HIF1A: variants seen among roughly 807,000 people sequenced by gnomAD.
HIF1A encodes the protein hypoxia-inducible factor 1-alpha.
HIF1A carries 24 observed loss-of-function variants against 92.7 expected under a neutral mutation model. The ratio of observed to expected loss-of-function variants is 0.26; its 90% CI spans 0.19 to 0.36. The LOEUF is 0.36. Ranked by LOEUF, HIF1A falls within the 10% of genes least tolerant of loss-of-function variation. HIF1A has a pLI of 1.00. For synonymous variants in HIF1A, 319 were observed against 338.7 expected (o/e 0.94, Z 0.64); for missense variants, 799 against 998.5 (o/e 0.80, Z 2.69).
At position 61,734,261 on chromosome 14, in the gene HIF1A, T is replaced by C. The variant is rs1482829440; in HGVS notation, c.1004T>C (p.Ile335Thr). 11 of 1,611,656 alleles carry C rather than the reference T, an allele frequency of 6.8e-6. No individual in the cohort carries two copies. The highest frequency in any genetic ancestry group is 1.1e-5 in the South Asian group (1 of 90,476). ...YNTKNSQPQCIVCVNYVVSGI... is the reference protein window; with the variant it reads ...YNTKNSQPQCTVCVNYVVSGI... Reference sequence around the variant, plus strand: ...ACCAAGAATTCTCAACCACAGTGCATTGTATGTGTGAATTACGTTGTGAGG... The same window carrying C: ...ACCAAGAATTCTCAACCACAGTGCACTGTATGTGTGAATTACGTTGTGAGG... The change falls in exon 8 of 15, where the codon ATT becomes ACT. Residue 335 changes from isoleucine (I) to threonine (T), a missense_variant. Ile to Thr is a moderately conservative substitution (Grantham distance 89, BLOSUM62 -1). This residue lies in a region of HIF1A where 516 missense variants were observed against 721.0 expected (regional missense o/e 0.72). Coordinates refer to ENST00000337138, the MANE Select transcript of HIF1A (RefSeq NM_001530.4).
intron 14 of HIF1A, 21 bp downstream of exon 14, chr14:61,745,838 C>G (rs764585918): frequency 6.3e-7 from 1 of 1,578,478 alleles, no homozygotes; most frequent in South Asian, 1.1e-5. Context: ...TCTTTTTGAC[C>G]TTGAACATCA....
Position 61,740,829 on chromosome 14 carries a change from T to A in HIF1A, c.1734T>A (p.Asp578Glu), listed in dbSNP as rs1265577831. Residue 578 changes from aspartate (D) to glutamate (E), a missense_variant, in exon 12 of 15, where the codon GAT (aspartate) becomes GAA (glutamate). Physicochemically the swap from Asp to Glu is conservative, Grantham distance 45 (BLOSUM62 2). Around this residue, in one of 2 missense-constraint regions of HIF1A, gnomAD observed 516 missense variants for 721.0 expected, o/e 0.72. Coordinates refer to ENST00000337138, the MANE Select transcript of HIF1A (RefSeq NM_001530.4). Reference protein sequence around the residue: ...MDDDFQLRSFDQLSPLESSSA... With the variant: ...MDDDFQLRSFEQLSPLESSSA... ...ATGACTTCCAGTTACGTTCCTTCGA[T>A]CAGTTGTCACCATTAGAAAGCAGTT... 1 of 1,614,088 alleles carries A rather than the reference T, an allele frequency of 6.2e-7. No individual in the cohort carries two copies. The highest frequency in any genetic ancestry group is 8.5e-7 in the Non-Finnish European group (1 of 1,179,980).
In HIF1A at chr14:61,720,379, T is replaced by C; in HGVS notation, c.36-3T>C. 5 of 1,598,474 alleles carry C rather than the reference T, an allele frequency of 3.1e-6. No homozygotes were observed. The highest frequency in any genetic ancestry group is 3.4e-6 in the Non-Finnish European group (4 of 1,173,354). On this transcript the variant is annotated splice_polypyrimidine_tract_variant and splice_region_variant and intron_variant, in intron 1 of 14. Coordinates refer to ENST00000337138, the MANE Select transcript of HIF1A (RefSeq NM_001530.4). ...TCGTGTTTTTCTTGTTGTTGTTAAG[T>C]AGGATAAGTTCTGAACGTCGAAAAG... is the stretch of plus-strand genomic sequence containing the variant.
intron 1 of HIF1A, among the ~76,000 whole-genome samples, chr14:61,705,820 C>G (rs1434856700): frequency 6.6e-6 from 1 of 152,130 alleles, no homozygotes; most frequent in Non-Finnish European, 1.5e-5. Flanking sequence ...AGTTGGAAAA[C>G]AGAGACTCTT....
chr14:61,741,179 T>G lies in HIF1A; in HGVS notation c.2084T>G (p.Leu695Trp). The G allele has an allele frequency of 6.3e-7, 1 of 1,593,920 alleles. No homozygotes were observed. Among genetic ancestry groups the G allele is most frequent in the Non-Finnish European group, 8.5e-7 (1 of 1,171,130 alleles). The change falls in exon 12 of 15, where the codon TTG becomes TGG. Residue 695 changes from leucine (L) to tryptophan (W), a missense_variant. Transcript: ENST00000337138. ...AGCCCTAACGTGTTATCTGTCGCTTTGAGTCAAAGGTATTTATATGTAACA... is the reference window on the plus strand; with the variant it reads ...AGCCCTAACGTGTTATCTGTCGCTTGGAGTCAAAGGTATTTATATGTAACA... ...PRSPNVLSVA[L>W]SQRTTVPEEE... is the part of the protein sequence containing the mutation.
chr14:61,701,854 G>A (rs2044180469), intron 1 of HIF1A, among the ~76,000 whole-genome samples: 1 of 152,096 alleles, frequency 6.6e-6, no homozygotes, highest in Admixed American at 6.5e-5. Flanking sequence ...CAGGCGTGGT[G>A]GCGGGTGCCT....
chr14:61,741,255 C>T, intron 12 of HIF1A, 67 bp downstream of exon 12: 1 of 1,151,592 alleles, frequency 8.7e-7, no homozygotes, highest in South Asian at 1.6e-5. Flanking sequence ...TGTGATAGTA[C>T]ATGATTTTTA....
intron 9 of HIF1A, 84 bp downstream of exon 9, chr14:61,737,193 G>T (rs370152051): frequency 7.7e-6 from 7 of 912,832 alleles, no homozygotes; most frequent in Non-Finnish European, 1.0e-5. Context: ...TACGGTTTTT[G>T]TTGGTAATCA....
In HIF1A at chr14:61,744,091, C is replaced by T. The variant is rs79614505; in HGVS notation, c.2094-614C>T. 4.3e-3 allele frequency among the ~76,000 whole-genome samples: 649 copies of T among 152,150 alleles called. 4 individuals carry two copies. Among genetic ancestry groups the T allele is most frequent in the African/African-American group, 0.015 (612 of 41,486 alleles). The stretch of plus-strand genomic sequence containing the variant: ...GAGATTGATCTTGTATTTCAATAGT[C>T]CCAACAATATCACTGCATTGTTATA... On this transcript the variant is annotated intron_variant, in intron 12 of 14. Coordinates refer to ENST00000337138, the MANE Select transcript of HIF1A (RefSeq NM_001530.4).
At chr14:61,696,146 A>C (rs927123018) in intron 1 of HIF1A, among the ~76,000 whole-genome samples, 2 of 151,950 alleles carry the variant, frequency 1.3e-5, no homozygotes, top group African/African-American at 4.8e-5. Flanking sequence ...CGCCTCAAAA[A>C]CCCAGCCTGC....
chr14:61,745,298 C>G (rs545833988), intron 13 of HIF1A, among the ~76,000 whole-genome samples: 50 of 152,244 alleles, frequency 3.3e-4, no homozygotes, highest in African/African-American at 1.1e-3. Flanking sequence ...TGGTGCACAA[C>G]TATAATCCCA....
At chr14:61,722,393 T>C (rs987163299) in intron 4 of HIF1A, among the ~76,000 whole-genome samples, 1 of 147,016 alleles carries the variant, frequency 6.8e-6, no homozygotes, top group Non-Finnish European at 1.5e-5. Context: ...CAGGCTACCT[T>C]TTTTTTCCTT....
intron 1 of HIF1A, among the ~76,000 whole-genome samples, chr14:61,707,512 T>A (rs565670291): frequency 6.6e-6 from 1 of 152,076 alleles, no homozygotes; most frequent in East Asian, 1.9e-4. Context: ...TGTGTCCATG[T>A]GTTCTCATTG....
intron 1 of HIF1A, among the ~76,000 whole-genome samples, chr14:61,708,210 G>C (rs2044264574): frequency 6.6e-6 from 1 of 152,126 alleles, no homozygotes; most frequent in Non-Finnish European, 1.5e-5. Context: ...CTAGCCCTTT[G>C]TCAGATGAGT....
rs113728330 is a variant in HIF1A, at chr14:61,711,928, AG to A, written c.36-8453del. On this transcript the variant is annotated intron_variant, in intron 1 of 14. Coordinates refer to ENST00000337138, the MANE Select transcript of HIF1A (RefSeq NM_001530.4). ...TCTCAACTTATTAATTCATACATTC[AG>A]CCAGCACATAATTGAATACTTCTTA... 5.9e-3 allele frequency among the ~76,000 whole-genome samples: 901 copies of A among 152,350 alleles called. 13 individuals are homozygous for A. The highest frequency in any genetic ancestry group is 0.02 in the African/African-American group (840 of 41,578).
chr14:61,736,746 C>T, intron 8 of HIF1A, 143 bp from the exon 9 acceptor site: 2 of 623,310 alleles, frequency 3.2e-6, no homozygotes, highest in South Asian at 2.0e-5. Flanking sequence ...ACACAGTACG[C>T]ATGAGTGATC....
Position 61,724,380 on chromosome 14 carries a change from T to TCTCTCTCC in HIF1A, c.458-2325_458-2324insTCTCTCCC, listed in dbSNP as rs771152491. On this transcript the variant is annotated intron_variant, in intron 4 of 14. Transcript: ENST00000337138. ...CTCTCTCTCTCTCTCTCTCTCTCTCTCCCCCTCCCTCCCGCACTCCTTCCC... is the reference window on the plus strand; with the variant it reads ...CTCTCTCTCTCTCTCTCTCTCTCTCTCTCTCTCCCCCCCTCCCTCCCGCACTCCTTCCC... Among the ~76,000 whole-genome samples the TCTCTCTCC allele has an allele frequency of 3.3e-3, 454 of 139,606 alleles. 3 individuals carry two copies. The highest frequency in any genetic ancestry group is 5.6e-3 in the Non-Finnish European group (361 of 64,614). The allele number at this position is 139,606 out of a possible 152,430, so 91.6% of individuals were successfully genotyped here.
chr14:61,734,271 G>A lies in HIF1A; in HGVS notation c.1014G>A (p.Val338=). The A allele has an allele frequency of 6.2e-7, 1 of 1,607,888 alleles. No individual in the cohort carries two copies. The highest frequency in any genetic ancestry group is 8.5e-7 in the Non-Finnish European group (1 of 1,177,636). Residue 338 remains valine, a synonymous_variant, in exon 8 of 15, where the codon GTG becomes GTA. Coordinates refer to ENST00000337138, the MANE Select transcript of HIF1A (RefSeq NM_001530.4). Reference sequence around the variant, plus strand: ...CTCAACCACAGTGCATTGTATGTGTGAATTACGTTGTGAGGTAAGTAAGTT... The same window carrying A: ...CTCAACCACAGTGCATTGTATGTGTAAATTACGTTGTGAGGTAAGTAAGTT... ...KNSQPQCIVC[V]NYVVSGIIQH...
intron 1 of HIF1A, among the ~76,000 whole-genome samples, chr14:61,706,441 T>C (rs1158844197): frequency 1.3e-5 from 2 of 152,240 alleles, no homozygotes; most frequent in Non-Finnish European, 2.9e-5. Context: ...TATTGACTTT[T>C]ACTGCTAGCT....
Sources: gnomAD v4.1 joint callset for allele counts (sites outside exome capture counted in the v4.1 genomes callset) on GRCh38, gnomAD v4.1.1 for gene constraint, gnomAD v4.1.1 regional missense constraint, MANE v1.5 for transcripts, NCBI Gene and HGNC (gene_info 2026-07-23, HGNC 2026-07-21) for gene names.